Variants in PTPRH observed in about 807,000 individuals in gnomAD.
PTPRH encodes the protein protein tyrosine phosphatase receptor type H, also known as receptor-type tyrosine-protein phosphatase H.
In PTPRH, 113 loss-of-function variants were observed where a neutral mutation model predicts 130.2. The ratio of observed to expected loss-of-function variants is 0.87; its 90% CI spans 0.75 to 1.01. The LOEUF (loss-of-function observed/expected upper bound fraction) is 1.01. Among genes scored for constraint, PTPRH ranks in the 50% least tolerant of loss-of-function variants. PTPRH has a pLI of 0.00. For synonymous variants in PTPRH, 556 were observed against 577.9 expected (o/e 0.96, Z 0.54); for missense variants, 1,430 against 1,425.0 (o/e 1.00, Z -0.06).
intron 10 of PTPRH, among the ~76,000 whole-genome samples, chr19:55,192,569 TGAGACAGA>T (rs1246923494): frequency 4.0e-5 from 6 of 151,798 alleles, no homozygotes; most frequent in African/African-American, 1.4e-4. Context: ...TTTCTTTTTC[TGAGACAGA>T]GTCTTGCTCT....
chr19:55,207,049 G>A (rs1033133237), intron 2 of PTPRH, 94 bp from the exon 3 acceptor site: 28 of 1,555,668 alleles, frequency 1.8e-5, no homozygotes, highest in Admixed American at 1.1e-4. Flanking sequence ...CAGAAACAAC[G>A]GCGCTCATAA....
At chr19:55,199,489 C>T (rs1411417655) in intron 7 of PTPRH, among the ~76,000 whole-genome samples, 1 of 152,068 alleles carries the variant, frequency 6.6e-6, no homozygotes, top group Admixed American at 6.6e-5. Context: ...CCTGTTGTCA[C>T]AGCTACTTGG....
chr19:55,182,241 T>A, intron 18 of PTPRH, 90 bp from the exon 19 acceptor site: 1 of 1,427,002 alleles, frequency 7.0e-7, no homozygotes, highest in South Asian at 1.2e-5. Context: ...GTTTGAATGA[T>A]GACAATAACT....
At chr19:55,185,106 T>C (rs1453753615) in intron 18 of PTPRH, among the ~76,000 whole-genome samples, 1 of 151,952 alleles carries the variant, frequency 6.6e-6, no homozygotes, top group South Asian at 2.1e-4. Flanking sequence ...GTGATTCTCC[T>C]GCCTCAGCCT....
At chr19:55,207,238 C>A (rs769692904) in intron 1 of PTPRH, 39 bp from the exon 2 acceptor site, 1 of 1,606,246 alleles carries the variant, frequency 6.2e-7, no homozygotes, top group Non-Finnish European at 8.5e-7. Context: ...AGCCTCTCAA[C>A]CACTCCTCCG....
intron 8 of PTPRH, among the ~76,000 whole-genome samples, 199 bp downstream of exon 8, chr19:55,198,444 A>C (rs1226604692): frequency 6.6e-6 from 1 of 152,090 alleles, no homozygotes; most frequent in African/African-American, 2.4e-5. Context: ...GGGAGAAAAA[A>C]CAGGTCCCAC....
intron 1 of PTPRH, 99 bp from the exon 2 acceptor site, chr19:55,207,298 G>C: frequency 7.5e-7 from 1 of 1,335,300 alleles, no homozygotes; most frequent in African/African-American, 1.5e-5. Context: ...CGCCCCATGA[G>C]TCACCCTTGC....
chr19:55,185,625 T>C lies in PTPRH; in HGVS notation c.2939A>G (p.His980Arg), dbSNP rs905890099. ...GCCGTGATCCGGCCAGGCCTGGTAG[T>C]GGAATTGGCGCACAGACAGTGTCTT... is the stretch of plus-strand genomic sequence containing the variant. ...EQKTLSVRQF[H>R]YQAWPDHGVP... Residue 980 changes from histidine to arginine, a missense_variant, in exon 18 of 20, where the codon CAC (histidine) becomes CGC (arginine). By Grantham distance (29) the His-to-Arg change is conservative (BLOSUM62 0). Coordinates refer to ENST00000376350, the MANE Select transcript of PTPRH (RefSeq NM_002842.5). 1.9e-6 allele frequency: 3 copies of C among 1,613,992 alleles called. No individual in the cohort carries two copies. The highest frequency in any genetic ancestry group is 2.2e-5 in the East Asian group (1 of 44,882).
In PTPRH at chr19:55,197,181, A is replaced by T; in HGVS notation, c.1926T>A (p.Asn642Lys). Residue 642 changes from asparagine (N) to lysine (K), a missense_variant, in exon 9 of 20, where the codon AAT (asparagine) becomes AAA (lysine). By Grantham distance (94) the Asn-to-Lys change is moderately conservative. Transcript: ENST00000376350. ...CATTCCTCTCTGCCCACACGGTGAAATTGTACAACGTCCCGGGTTCCAGGG... is the reference window on the plus strand; with the variant it reads ...CATTCCTCTCTGCCCACACGGTGAATTTGTACAACGTCCCGGGTTCCAGGG... ...VEALEPGTLYNFTVWAERNDV... is the reference protein window; with the variant it reads ...VEALEPGTLYKFTVWAERNDV... 1 of 1,614,186 alleles carries T rather than the reference A, an allele frequency of 6.2e-7. No homozygotes were observed. Among genetic ancestry groups the T allele is most frequent in the South Asian group, 1.1e-5 (1 of 91,078 alleles).
At position 55,207,206 on chromosome 19, in the gene PTPRH, G is replaced by T. The variant is rs2087096336; in HGVS notation, c.52-7C>A. ...CTGTCCAGCTGCACAGGCCCTGGAG[G>T]GAACCCAGAGAAAACGGAGTCAGCC... On this transcript the variant is annotated splice_region_variant and splice_polypyrimidine_tract_variant and intron_variant, in intron 1 of 19. Coordinates refer to ENST00000376350, the MANE Select transcript of PTPRH (RefSeq NM_002842.5). 1.9e-6 allele frequency: 3 copies of T among 1,612,580 alleles called. No individual in the cohort carries two copies. Among genetic ancestry groups the T allele is most frequent in the Non-Finnish European group, 2.5e-6 (3 of 1,179,276 alleles).
At chr19:55,187,856 T>C (rs2086407186) in intron 13 of PTPRH, among the ~76,000 whole-genome samples, 1 of 151,976 alleles carries the variant, frequency 6.6e-6, no homozygotes, top group African/African-American at 2.4e-5. Context: ...AAGGACTCAC[T>C]GGGTGGGGGC....
intron 18 of PTPRH, among the ~76,000 whole-genome samples, chr19:55,183,239 C>T (rs1347258159): frequency 1.6e-5 from 2 of 121,756 alleles, no homozygotes; most frequent in Non-Finnish European, 1.8e-5. Flanking sequence ...ACTAAAGTAC[C>T]AAAAAAAAAA....
Position 55,187,529 on chromosome 19 carries a change from G to A in PTPRH, c.2550C>T (p.Tyr850=), listed in dbSNP as rs1403323738. The part of the protein sequence containing the change: ...SASENNAKNR[Y]RNVLPYDWSR... The stretch of plus-strand genomic sequence containing the variant: ...GAGACTCACAGGGCAGCACATTTCT[G>A]TAGCGGTTCTTGGCGTTGTTCTCTG... Residue 850 remains tyrosine, a synonymous_variant, in exon 14 of 20, where the codon TAC becomes TAT. Coordinates refer to ENST00000376350, the MANE Select transcript of PTPRH (RefSeq NM_002842.5). 6.2e-7 allele frequency: 1 copy of A among 1,612,610 alleles called. No individual in the cohort carries two copies. Among genetic ancestry groups the A allele is most frequent in the Non-Finnish European group, 8.5e-7 (1 of 1,179,124 alleles).
chr19:55,191,610 CCTT>C (rs771807036), intron 11 of PTPRH, 50 bp downstream of exon 11: 6 of 1,612,286 alleles, frequency 3.7e-6, no homozygotes, highest in Middle Eastern at 1.7e-4. Flanking sequence ...CGGTCCTCCT[CCTT>C]CTTCTCCAGC....
At chr19:55,190,227 G>T (rs2086484696) in intron 12 of PTPRH, among the ~76,000 whole-genome samples, 1 of 150,180 alleles carries the variant, frequency 6.7e-6, no homozygotes, top group Non-Finnish European at 1.5e-5. Flanking sequence ...AAAATTAGCT[G>T]GGCGTGGTGG....
At chr19:55,184,311 A>T (rs1380107093) in intron 18 of PTPRH, among the ~76,000 whole-genome samples, 1 of 130,926 alleles carries the variant, frequency 7.6e-6, no homozygotes, top group East Asian at 2.0e-4. Context: ...ATAAATAAAT[A>T]AAATAAAATA....
rs1703902592 is a variant in PTPRH, at chr19:55,209,364, C to T, written c.51+19G>A. 1 of 1,559,360 alleles carries T rather than the reference C, an allele frequency of 6.4e-7. No individual in the cohort carries two copies. The highest frequency in any genetic ancestry group is 8.7e-7 in the Non-Finnish European group (1 of 1,151,058). On this transcript the variant is annotated intron_variant, in intron 1 of 19. Transcript: ENST00000376350. This position sits in a 1 kb window ranked among gnomAD's most constrained non-coding sequence, Gnocchi z 4.1. ...GGAGTCCCTGCCTTGGGAGCCCGCT[C>T]TGGGCGGGGAGCACTTACCAGCAGC...
chr19:55,203,320 CTG>C (rs1166645115), intron 5 of PTPRH, among the ~76,000 whole-genome samples: 1 of 114,830 alleles, frequency 8.7e-6, no homozygotes, highest in Non-Finnish European at 1.7e-5. Flanking sequence ...GAGGGAGACT[CTG>C]TCTCAAAAAA....
rs2086690897 is a variant in PTPRH, at chr19:55,196,684, C to T, written c.2095G>A (p.Glu699Lys). The T allele has an allele frequency of 1.2e-6, 2 of 1,614,118 alleles. No homozygotes were observed. The highest frequency in any genetic ancestry group is 1.7e-6 in the Non-Finnish European group (2 of 1,180,022). ...TGGGAGCCCCGCTGTCCTCCCACCT[C>T]CAACTCAAAGGCCTCGTAGCCTCCC... The part of the protein sequence containing the change: ...PQGGYEAFEL[E>K]VGGQRGSQDR... Residue 699 changes from glutamate (E) to lysine (K), a missense_variant, in exon 10 of 20, where the codon GAG (glutamate) becomes AAG (lysine). Physicochemically the swap from Glu to Lys is moderately conservative, Grantham distance 56. Coordinates refer to ENST00000376350, the MANE Select transcript of PTPRH (RefSeq NM_002842.5).
Sources: gnomAD v4.1 joint callset for allele counts (sites outside exome capture counted in the v4.1 genomes callset) on GRCh38, gnomAD v4.1.1 for gene constraint, Gnocchi (gnomAD v3.1) non-coding constraint, MANE v1.5 for transcripts, NCBI Gene and HGNC (gene_info 2026-07-23, HGNC 2026-07-21) for gene names.